ROBO1: variants seen among roughly 807,000 people sequenced by gnomAD.
ROBO1 encodes the protein roundabout guidance receptor 1.
In ROBO1, 149 loss-of-function variants were observed where a neutral mutation model predicts 195.9. The observed-to-expected ratio is 0.76, with a 90% CI of 0.67 to 0.87. The LOEUF (loss-of-function observed/expected upper bound fraction) is 0.87, where lower values mean the gene tolerates loss of function less well. ROBO1 is among the 40% of genes least tolerant of loss of function. The probability of loss-of-function intolerance (pLI) is 0.00; values close to 1 mark genes in which losing one functional copy is unlikely to be tolerated. For synonymous variants in ROBO1, 816 were observed against 733.2 expected, an observed-to-expected ratio of 1.11 and a Z score of -1.82; for missense variants, 1,933 against 2,068.3, an observed-to-expected ratio of 0.93 and a Z score of 1.27.
chr3:78,966,429 G>A (rs528727765), intron 3 of ROBO1, among the ~76,000 whole-genome samples: 2 of 152,276 alleles, frequency 1.3e-5, no homozygotes, highest in East Asian at 1.9e-4. Flanking sequence ...CACAGTCGAC[G>A]AGAGAGGTCG....
chr3:79,299,467 G>A (rs550465449), intron 2 of ROBO1, among the ~76,000 whole-genome samples: 2 of 152,092 alleles, frequency 1.3e-5, no homozygotes, highest in African/African-American at 2.4e-5. Flanking sequence ...TGTCATTTTC[G>A]TTTATTATAT....
At chr3:79,248,374 CAAAAAAAA>C (rs10559171) in intron 2 of ROBO1, among the ~76,000 whole-genome samples, 8 of 36,204 alleles carry the variant, frequency 2.2e-4, no homozygotes, top group African/African-American at 4.9e-4. Context: ...GAAGACAGAC[CAAAAAAAA>C]AAAAAAAAAA....
intron 3 of ROBO1, among the ~76,000 whole-genome samples, chr3:79,039,851 G>C (rs566830567): frequency 7.0e-6 from 1 of 142,432 alleles, no homozygotes; most frequent in African/African-American, 2.6e-5. Flanking sequence ...TGTGATCTTA[G>C]GCAATTTTCT....
At chr3:78,649,410 C>T (rs1323643134) in intron 19 of ROBO1, among the ~76,000 whole-genome samples, 1 of 151,948 alleles carries the variant, frequency 6.6e-6, no homozygotes, top group Admixed American at 6.6e-5. Context: ...GATGCGGGTG[C>T]AATATGTGAA....
chr3:79,710,357 G>A (rs1702219848), intron 1 of ROBO1, among the ~76,000 whole-genome samples: 1 of 148,276 alleles, frequency 6.7e-6, no homozygotes, highest in African/African-American at 2.5e-5. Flanking sequence ...TCTTAAAGCA[G>A]CCAGAAATTA....
At chr3:79,301,539 T>C (rs1361708368) in intron 2 of ROBO1, among the ~76,000 whole-genome samples, 1 of 152,234 alleles carries the variant, frequency 6.6e-6, no homozygotes, top group Non-Finnish European at 1.5e-5. Flanking sequence ...TGTTTCAACC[T>C]CTGTAGGAGT....
At chr3:79,746,421 C>T (rs1015214786) in intron 1 of ROBO1, among the ~76,000 whole-genome samples, 2 of 151,970 alleles carry the variant, frequency 1.3e-5, no homozygotes, top group African/African-American at 4.8e-5. Context: ...GTGCTTAAAC[C>T]ATAATTATTT....
chr3:79,150,230 A>G (rs536579043), intron 2 of ROBO1, among the ~76,000 whole-genome samples: 1 of 151,394 alleles, frequency 6.6e-6, no homozygotes, highest in African/African-American at 2.4e-5. Flanking sequence ...TGACAGATCT[A>G]CAAAGAGTTG....
intron 3 of ROBO1, among the ~76,000 whole-genome samples, chr3:78,968,284 T>A (rs1217148823): frequency 1.3e-5 from 2 of 150,714 alleles, no homozygotes; most frequent in Admixed American, 1.3e-4. Flanking sequence ...TTTTTTTTTT[T>A]TTTTTTTTAA....
chr3:79,028,293 A>G (rs532557918), intron 3 of ROBO1, among the ~76,000 whole-genome samples: 2 of 151,996 alleles, frequency 1.3e-5, no homozygotes, highest in East Asian at 3.9e-4. Context: ...TTTGCATATA[A>G]AGACTTTTTT....
chr3:78,968,265 T>C (rs946257735), intron 3 of ROBO1, among the ~76,000 whole-genome samples: 3 of 147,822 alleles, frequency 2.0e-5, no homozygotes, highest in African/African-American at 4.9e-5. Context: ...AGGAACTGTA[T>C]AGATTCTTTT....
At chr3:79,467,596 C>A (rs1938034803) in intron 2 of ROBO1, among the ~76,000 whole-genome samples, 1 of 151,902 alleles carries the variant, frequency 6.6e-6, no homozygotes, top group African/African-American at 2.4e-5. Context: ...AGAGAAAGAT[C>A]ATCTTCCCAC....
chr3:79,177,146 C>T (rs2081273130), intron 2 of ROBO1, among the ~76,000 whole-genome samples: 1 of 152,130 alleles, frequency 6.6e-6, no homozygotes. Context: ...GCTATCCTAG[C>T]CACTCCTAGC....
intron 2 of ROBO1, among the ~76,000 whole-genome samples, chr3:79,379,470 G>T (rs2036498508): frequency 6.6e-6 from 1 of 152,074 alleles, no homozygotes; most frequent in Non-Finnish European, 1.5e-5. Flanking sequence ...ATCCCTTCAG[G>T]TCAGAACCAG....
intron 1 of ROBO1, among the ~76,000 whole-genome samples, chr3:79,765,520 G>A (rs74639482): frequency 6.6e-6 from 1 of 152,154 alleles, no homozygotes; most frequent in Non-Finnish European, 1.5e-5. Flanking sequence ...GCCTCCTCAA[G>A]ATATAGTAGA....
intron 4 of ROBO1, among the ~76,000 whole-genome samples, chr3:78,892,553 T>A (rs2036967876): frequency 6.6e-6 from 1 of 152,178 alleles, no homozygotes; most frequent in African/African-American, 2.4e-5. Context: ...TTTAGCACAG[T>A]GAGTGTTAAG....
chr3:78,860,139 GTAGATAGATAGATAGATAGA>G (rs766675007), intron 4 of ROBO1, among the ~76,000 whole-genome samples: 15 of 141,976 alleles, frequency 1.1e-4, no homozygotes, highest in African/African-American at 3.4e-4. Context: ...AGGTAGATAG[GTAGATAGATAGATAGATAGA>G]TAGATAGATA....
intron 1 of ROBO1, among the ~76,000 whole-genome samples, chr3:79,707,957 T>C (rs7433871): frequency 0.65 from 99,202 of 152,094 alleles, 32,552 homozygotes; most frequent in Middle Eastern, 0.73. Context: ...ATATTGGCTC[T>C]AAACAATCAC....
At chr3:78,965,761 C>T (rs550797418) in intron 3 of ROBO1, among the ~76,000 whole-genome samples, 2 of 152,248 alleles carry the variant, frequency 1.3e-5, no homozygotes, top group East Asian at 3.9e-4. Flanking sequence ...ATTTCTCACT[C>T]CATAACAATT....
Sources: allele counts gnomAD v4.1 joint callset (sites outside exome capture counted in the v4.1 genomes callset), GRCh38; gene constraint gnomAD v4.1.1; transcripts MANE v1.5; gene names NCBI Gene and HGNC (gene_info 2026-07-23, HGNC 2026-07-21).